The following ARHGAP6 variants were observed in gnomAD, a reference collection of about 807,000 sequenced individuals.
ARHGAP6 encodes the protein Rho GTPase activating protein 6.
In ARHGAP6, 16 loss-of-function variants were observed where a neutral mutation model predicts 55.7. The ratio of observed to expected loss-of-function variants is 0.29; its 90% CI spans 0.19 to 0.44. ARHGAP6 has a LOEUF of 0.44. ARHGAP6 is among the 20% of genes least tolerant of loss of function. The pLI is 1.00. For synonymous variants in ARHGAP6, 382 were observed against 360.9 expected (o/e 1.06, Z -0.66); for missense variants, 698 against 808.9 (o/e 0.86, Z 1.66).
At chrX:11,653,466 T>C (rs900038242) in intron 1 of ARHGAP6, among the ~76,000 whole-genome samples, 2 of 112,640 alleles carry the variant, frequency 1.8e-5, no homozygotes, top group Non-Finnish European at 3.8e-5. Flanking sequence ...CTGACCAAAG[T>C]TTCTGGCACA....
intron 2 of ARHGAP6, among the ~76,000 whole-genome samples, chrX:11,206,318 A>T (rs2046703877): frequency 8.9e-6 from 1 of 112,435 alleles, no homozygotes; most frequent in Admixed American, 9.4e-5. Flanking sequence ...TAGCATATTG[A>T]TGTGAAATTT....
intron 1 of ARHGAP6, among the ~76,000 whole-genome samples, chrX:11,548,148 A>G (rs573487498): frequency 8.9e-6 from 1 of 112,359 alleles, no homozygotes; most frequent in Non-Finnish European, 1.9e-5. Flanking sequence ...GACATGTAAC[A>G]ATTCTACATA....
At chrX:11,484,677 T>C (rs1218982261) in intron 1 of ARHGAP6, among the ~76,000 whole-genome samples, 3 of 111,737 alleles carry the variant, frequency 2.7e-5, no homozygotes, top group Non-Finnish European at 5.7e-5. Context: ...AAAAGCTTAA[T>C]GGCTGTATCA....
intron 1 of ARHGAP6, among the ~76,000 whole-genome samples, chrX:11,501,565 G>A (rs111650108): frequency 9.0e-6 from 1 of 111,019 alleles, no homozygotes. Context: ...CTCCCATGCA[G>A]TCAAAAATCT....
chrX:11,433,676 T>C (rs2049961119), intron 1 of ARHGAP6, among the ~76,000 whole-genome samples: 2 of 112,605 alleles, frequency 1.8e-5, no homozygotes, highest in African/African-American at 6.5e-5. Flanking sequence ...AGAATTCCCA[T>C]GACAACGCCA....
chrX:11,220,946 A>G (rs1281427082), intron 2 of ARHGAP6, among the ~76,000 whole-genome samples: 1 of 110,261 alleles, frequency 9.1e-6, no homozygotes, highest in African/African-American at 3.3e-5. Flanking sequence ...AGATCTACCA[A>G]GCCAATGGAA....
chrX:11,516,742 T>G (rs113316441), intron 1 of ARHGAP6, among the ~76,000 whole-genome samples: 2,284 of 112,067 alleles, frequency 0.02, 28 homozygotes, highest in Middle Eastern at 0.06. Context: ...TTTTAAAACA[T>G]ATTTTGCTCA....
chrX:11,198,797 C>T (rs1002121888), intron 2 of ARHGAP6, among the ~76,000 whole-genome samples: 26 of 111,921 alleles, frequency 2.3e-4, no homozygotes, highest in Admixed American at 2.3e-3. Context: ...AAGTAATAAT[C>T]GTAAGTCCAA....
At chrX:11,222,305 A>G (rs1379255633) in intron 2 of ARHGAP6, among the ~76,000 whole-genome samples, 1 of 112,396 alleles carries the variant, frequency 8.9e-6, no homozygotes, top group Non-Finnish European at 1.9e-5. Context: ...CAGTTCTTCT[A>G]TAGCAATAAT....
At chrX:11,204,226 T>G (rs1389151749) in intron 2 of ARHGAP6, among the ~76,000 whole-genome samples, 5 of 112,224 alleles carry the variant, frequency 4.5e-5, no homozygotes, top group Admixed American at 3.8e-4. Context: ...TATCTCAGGG[T>G]CTTCTTTCTC....
At chrX:11,148,717 G>A (rs1344459010) in intron 10 of ARHGAP6, 3 of 372,398 alleles carry the variant, frequency 8.1e-6, no homozygotes, top group African/African-American at 7.6e-5. Flanking sequence ...CACAGAACTT[G>A]TTCTGGGGAC....
At chrX:11,139,778 G>A (rs372460437) in intron 12 of ARHGAP6, among the ~76,000 whole-genome samples, 8 of 112,016 alleles carry the variant, frequency 7.1e-5, no homozygotes, top group African/African-American at 2.3e-4. Context: ...TAGCTGAGAC[G>A]TCAGACTATA....
At chrX:11,379,931 C>T (rs1187594440) in intron 1 of ARHGAP6, among the ~76,000 whole-genome samples, 2 of 111,303 alleles carry the variant, frequency 1.8e-5, no homozygotes, top group Non-Finnish European at 3.8e-5. Context: ...TTTTATCTGA[C>T]ATTTTTATCC....
At chrX:11,634,940 T>C (rs2052401695) in intron 1 of ARHGAP6, among the ~76,000 whole-genome samples, 1 of 111,589 alleles carries the variant, frequency 9.0e-6, no homozygotes, top group Non-Finnish European at 1.9e-5. Flanking sequence ...GAGGCTCAAC[T>C]GGAGAAGGAT....
At chrX:11,249,373 G>T (rs773779605) in intron 2 of ARHGAP6, among the ~76,000 whole-genome samples, 1 of 111,421 alleles carries the variant, frequency 9.0e-6, no homozygotes, top group Non-Finnish European at 1.9e-5. Context: ...CACCACTAAA[G>T]AACTTATTCG....
intron 1 of ARHGAP6, among the ~76,000 whole-genome samples, chrX:11,294,607 G>T (rs138892868): frequency 1.4e-4 from 16 of 112,274 alleles, no homozygotes; most frequent in African/African-American, 5.2e-4. Context: ...CAGAAACAAT[G>T]AAATAGGCTG....
intron 1 of ARHGAP6, among the ~76,000 whole-genome samples, chrX:11,526,500 C>T (rs910265087): frequency 8.9e-6 from 1 of 111,963 alleles, no homozygotes; most frequent in African/African-American, 3.2e-5. Context: ...CCCCTCCCCT[C>T]ACCTTGCATT....
At chrX:11,162,340 C>CA (rs2045962066) in intron 9 of ARHGAP6, among the ~76,000 whole-genome samples, 1 of 96,219 alleles carries the variant, frequency 1.0e-5, no homozygotes, top group Non-Finnish European at 2.1e-5. Flanking sequence ...TGTGCCCCCC[C>CA]CCCCATATTT....
At chrX:11,431,234 T>C (rs775347238) in intron 1 of ARHGAP6, among the ~76,000 whole-genome samples, 6 of 112,348 alleles carry the variant, frequency 5.3e-5, no homozygotes, top group African/African-American at 1.9e-4. Context: ...TCTGTATGAG[T>C]TACTCTACTA....
Sources: gnomAD v4.1 joint callset for allele counts (sites outside exome capture counted in the v4.1 genomes callset) on GRCh38, gnomAD v4.1.1 for gene constraint, MANE v1.5 for transcripts, NCBI Gene and HGNC (gene_info 2026-07-23, HGNC 2026-07-21) for gene names.